The following MYH9 variants were observed in gnomAD, a reference collection of about 807,000 sequenced individuals.
MYH9 encodes myosin-9.
A neutral mutation model predicts 241.9 loss-of-function variants in MYH9; 29 were observed. The ratio of observed to expected loss-of-function variants is 0.12; its 90% CI spans 0.09 to 0.16. The LOEUF is 0.16. Among genes scored for constraint, MYH9 ranks in the 10% least tolerant of loss-of-function variants. The probability of loss-of-function intolerance (pLI) is 1.00; values close to 1 mark genes in which losing one functional copy is unlikely to be tolerated. For missense variants in MYH9, 1,803 were observed against 2,595.5 expected (o/e 0.69, Z 6.63); for synonymous variants, 1,047 against 1,062.6 (o/e 0.99, Z 0.29).
rs2017122339 is a variant in MYH9 at position 36,314,653 on chromosome 22, A to AT, written c.1381-336dup. On this transcript the variant is annotated intron_variant, in intron 12 of 40. Coordinates refer to ENST00000216181, the MANE Select transcript of MYH9 (RefSeq NM_002473.6). Reference sequence around the variant, plus strand: ...GAGTAATACATTGTTTTTTTTTTTTATTTTTTATTTTTTGAGACAGAGTCT... The same window carrying AT: ...GAGTAATACATTGTTTTTTTTTTTTATTTTTTTATTTTTTGAGACAGAGTCT... Among the ~76,000 whole-genome samples the AT allele has an allele frequency of 2.0e-5, 3 of 149,798 alleles. No individual in the cohort carries two copies. In the South Asian group the frequency reaches 6.3e-4, roughly 32 times the overall value.
At chr22:36,333,952 G>A (rs1419291846) in intron 3 of MYH9, among the ~76,000 whole-genome samples, 2 of 152,068 alleles carry the variant, frequency 1.3e-5, no homozygotes, top group Non-Finnish European at 2.9e-5. Flanking sequence ...CAGGGGATGG[G>A]GAGCAGAAAC....
intron 2 of MYH9, among the ~76,000 whole-genome samples, chr22:36,346,004 G>A (rs958699679): frequency 3.3e-5 from 5 of 152,090 alleles, no homozygotes; most frequent in African/African-American, 7.2e-5. Flanking sequence ...AAAATTAGCC[G>A]GGCATGCTGG....
rs1603483486 is a variant in MYH9 at position 36,323,061 on chromosome 22, T to C, written c.613-540A>G. Among the ~76,000 whole-genome samples the C allele has an allele frequency of 2.6e-5, 4 of 152,304 alleles. No individual in the cohort carries two copies. In the Middle Eastern group the frequency reaches 0.014, roughly 518 times the overall value. On this transcript the variant is annotated intron_variant, in intron 5 of 40. Coordinates refer to ENST00000216181, the MANE Select transcript of MYH9 (RefSeq NM_002473.6). Reference sequence around the variant, plus strand: ...TCCACTGCCGCGTCCAAAACCACCATGACAGGCAGTGAGCACGGGATCCAT... The same window carrying C: ...TCCACTGCCGCGTCCAAAACCACCACGACAGGCAGTGAGCACGGGATCCAT...
At chr22:36,364,043 G>A (rs1231997104) in intron 1 of MYH9, among the ~76,000 whole-genome samples, 1 of 152,098 alleles carries the variant, frequency 6.6e-6, no homozygotes, top group Non-Finnish European at 1.5e-5. Context: ...GTAATTATAC[G>A]GCCACCGTCT....
At chr22:36,347,134 A>C (rs2017689288) in intron 2 of MYH9, among the ~76,000 whole-genome samples, 1 of 152,162 alleles carries the variant, frequency 6.6e-6, no homozygotes, top group South Asian at 2.1e-4. Context: ...TTGTGACCCC[A>C]GAGCCCGTTG....
Position 36,320,940 on chromosome 22 carries a change from G to T in MYH9, c.770-44C>A. 1 of 1,536,258 alleles carries T rather than the reference G, an allele frequency of 6.5e-7. No individual in the cohort carries two copies. On this transcript the variant is annotated intron_variant, in intron 7 of 40. Transcript: ENST00000216181. This position sits in a 1 kb window ranked among gnomAD's most constrained non-coding sequence, Gnocchi z 4.8. ...GCAACACAAGCTGGGGAGAAGGCAA[G>T]CCCTCCACTTTCCTCATTTTTTTTT...
intron 5 of MYH9, chr22:36,325,167 G>GGAGA: frequency 1.4e-6 from 1 of 736,694 alleles, no homozygotes; most frequent in Admixed American, 1.9e-5. Flanking sequence ...AGAGAGGGAT[G>GGAGA]GAGAGAGAGA....
chr22:36,352,065 G>T (rs2017772502), intron 1 of MYH9, among the ~76,000 whole-genome samples: 1 of 152,238 alleles, frequency 6.6e-6, no homozygotes, highest in Non-Finnish European at 1.5e-5. Context: ...ACCCAGGCAT[G>T]GAGTGGGACG....
intron 34 of MYH9, among the ~76,000 whole-genome samples, chr22:36,287,237 T>A (rs2016601281): frequency 6.6e-6 from 1 of 152,222 alleles, no homozygotes; most frequent in Non-Finnish European, 1.5e-5. Flanking sequence ...CTCCTGTTAC[T>A]TCTTTTAACA....
intron 15 of MYH9, among the ~76,000 whole-genome samples, chr22:36,307,536 G>C (rs993145669): frequency 6.6e-6 from 1 of 152,210 alleles, no homozygotes; most frequent in Non-Finnish European, 1.5e-5. Context: ...ACAGCAAAAA[G>C]GATGCTTGCT....
At chr22:36,372,367 T>C (rs1460572727) in intron 1 of MYH9, among the ~76,000 whole-genome samples, 5 of 151,822 alleles carry the variant, frequency 3.3e-5, no homozygotes, top group Non-Finnish European at 7.4e-5. Context: ...TGTGCACCTG[T>C]AGTCACAGCT....
At chr22:36,323,361 G>A (rs753961315) in intron 5 of MYH9, among the ~76,000 whole-genome samples, 43 of 152,228 alleles carry the variant, frequency 2.8e-4, no homozygotes, top group Admixed American at 5.2e-4. Flanking sequence ...CCCTGTCTTC[G>A]CACCTGTGCA....
rs1212140955 is a variant in MYH9 at position 36,306,607 on chromosome 22, A to G, written c.1844T>C (p.Val615Ala). 5 of 1,611,796 alleles carry G rather than the reference A, an allele frequency of 3.1e-6. No homozygotes were observed. The Admixed American group carries it at 8.3e-5, about 27-fold the overall frequency. Residue 615 changes from valine to alanine, a missense_variant and splice_region_variant, in exon 16 of 41, where the codon GTG becomes GCG. By Grantham distance (64) the Val-to-Ala change is moderately conservative. This residue lies in a region of MYH9 where 163 missense variants were observed against 349.7 expected (regional missense o/e 0.47). Coordinates refer to ENST00000216181, the MANE Select transcript of MYH9 (RefSeq NM_002473.6). The surrounding 1 kb of genome is among the most constrained non-coding windows in gnomAD (Gnocchi z 4.1). ...CTGGTCCAGGCCGATGATGCGGTCCACTGTGGAGACCACAGAGAACACGTG... is the reference window on the plus strand; with the variant it reads ...CTGGTCCAGGCCGATGATGCGGTCCGCTGTGGAGACCACAGAGAACACGTG... ...DKFVSELWKD[V>A]DRIIGLDQVA...
At chr22:36,360,219 T>A (rs1451238717) in intron 1 of MYH9, among the ~76,000 whole-genome samples, 1 of 152,104 alleles carries the variant, frequency 6.6e-6, no homozygotes, top group African/African-American at 2.4e-5. Flanking sequence ...TGAAAATCAG[T>A]TACCAGGAGT....
intron 1 of MYH9, among the ~76,000 whole-genome samples, chr22:36,368,858 C>A (rs1007974281): frequency 6.9e-6 from 1 of 145,384 alleles, no homozygotes; most frequent in Non-Finnish European, 1.5e-5. Flanking sequence ...CTGCCCCGTC[C>A]GCGATAGAGC....
intron 2 of MYH9, among the ~76,000 whole-genome samples, chr22:36,348,096 A>AC (rs2017706752): frequency 6.8e-6 from 1 of 147,596 alleles, no homozygotes; most frequent in South Asian, 2.1e-4. Flanking sequence ...ATTTTAAGAT[A>AC]TTTTTTAAAA....
intron 3 of MYH9, among the ~76,000 whole-genome samples, chr22:36,336,990 C>T (rs931850852): frequency 2.6e-5 from 4 of 152,224 alleles, no homozygotes; most frequent in Non-Finnish European, 5.9e-5. Context: ...ATGCCCCACC[C>T]GTGCCCACGG....
Position 36,285,006 on chromosome 22 carries a change from C to G in MYH9, c.5483+115G>C, listed in dbSNP as rs1195904211. ...AGGGCCCCATCAGGAGGGAGGGAAA[C>G]AGCCCCAGGCTCAGGAGACAGAGAG... On this transcript the variant is annotated intron_variant, in intron 38 of 40. Transcript: ENST00000216181. This position sits in a 1 kb window ranked among gnomAD's most constrained non-coding sequence, Gnocchi z 7.0. The G allele has an allele frequency of 1.0e-6, 1 of 1,002,686 alleles. No individual in the cohort carries two copies. The allele number at this position is 1,002,686 out of a possible 1,614,324, so 62.1% of individuals were successfully genotyped here. A position where few individuals can be genotyped will look rare whatever the true frequency, so the allele number is the denominator to read the frequency against.
At chr22:36,336,203 A>T (rs980115329) in intron 3 of MYH9, among the ~76,000 whole-genome samples, 6 of 152,236 alleles carry the variant, frequency 3.9e-5, no homozygotes, top group African/African-American at 1.2e-4. Context: ...CTGGCATTCT[A>T]CCTAATTCAC....
Sources: allele counts gnomAD v4.1 joint callset (sites outside exome capture counted in the v4.1 genomes callset), GRCh38; gene constraint gnomAD v4.1.1; regional missense constraint gnomAD v4.1.1; non-coding constraint Gnocchi (gnomAD v3.1); transcripts MANE v1.5; gene names NCBI Gene and HGNC (gene_info 2026-07-23, HGNC 2026-07-21).